The following ZSCAN12 variants were observed in gnomAD, a reference collection of about 807,000 sequenced individuals.
ZSCAN12 encodes the protein zinc finger and SCAN domain containing 12, also known as zinc finger and SCAN domain-containing protein 12.
A neutral mutation model predicts 23.4 loss-of-function variants in ZSCAN12; 18 were observed. That is an observed-to-expected ratio of 0.77 (90% CI 0.53 to 1.14). ZSCAN12 has a LOEUF of 1.14. Ranked by LOEUF, ZSCAN12 falls within the 50% of genes most tolerant of loss-of-function variation. The pLI is 0.00. For synonymous variants in ZSCAN12, 186 were observed against 253.4 expected, an observed-to-expected ratio of 0.73 and a Z score of 2.53; for missense variants, 650 against 735.0, an observed-to-expected ratio of 0.88 and a Z score of 1.34.
downstream of ZSCAN12, among the ~76,000 whole-genome samples, chr6:28,383,512 A>C (rs1760390565): frequency 6.6e-6 from 1 of 152,078 alleles, no homozygotes; most frequent in Non-Finnish European, 1.5e-5. Flanking sequence ...ACCCCGCCCC[A>C]GCTGAGCAGC....
chr6:28,382,434 G>C (rs896822967), downstream of ZSCAN12: 4 of 1,521,206 alleles, frequency 2.6e-6, no homozygotes, highest in African/African-American at 2.8e-5. Context: ...TGATTTCTTT[G>C]CCAGCCTGAT....
rs1197388087 is a variant in ZSCAN12 at position 28,391,610 on chromosome 6, C to T, written c.680G>A (p.Arg227His). Residue 227 changes from arginine (R) to histidine (H), a missense_variant, in exon 4 of 4, where the codon CGT becomes CAT. By Grantham distance (29) the Arg-to-His change is conservative. Coordinates refer to ENST00000684592, the MANE Select transcript of ZSCAN12 (RefSeq NM_001163391.2). The surrounding 1 kb of genome is among the most constrained non-coding windows in gnomAD (Gnocchi z 4.1). ...MSKSARCGET[R>H]EPEEITEEPS... is the part of the protein sequence containing the mutation. ...CTCTTCTGTTATTTCTTCAGGTTCACGAGTTTCTCCACACCTAGCAGACTT... is the reference window on the plus strand; with the variant it reads ...CTCTTCTGTTATTTCTTCAGGTTCATGAGTTTCTCCACACCTAGCAGACTT... The T allele has an allele frequency of 2.6e-6, 4 of 1,552,260 alleles. No homozygotes were observed. The highest frequency in any genetic ancestry group is 3.5e-6 in the Non-Finnish European group (4 of 1,147,128).
rs1278521369 is a variant in ZSCAN12, at chr6:28,398,453, A to C, written c.-48T>G. 1.3e-6 allele frequency: 2 copies of C among 1,486,134 alleles called. No individual in the cohort carries two copies. Among genetic ancestry groups the C allele is most frequent in the African/African-American group, 1.4e-5 (1 of 71,014 alleles). The allele number at this position is 1,486,134 out of a possible 1,614,324, so 92.1% of individuals were successfully genotyped here. A position where few individuals can be genotyped will look rare whatever the true frequency, so the allele number is the denominator to read the frequency against. Reference sequence around the variant, plus strand: ...GTGTTTCAAGTAAGATCTCACCTGGAAACTGTATTCCTGGACAGTCCTGAA... The same window carrying C: ...GTGTTTCAAGTAAGATCTCACCTGGCAACTGTATTCCTGGACAGTCCTGAA... On this transcript the variant is annotated 5_prime_UTR_variant, in exon 2 of 4. Transcript: ENST00000684592.
At position 28,398,230 on chromosome 6, in the gene ZSCAN12, C is replaced by G. The variant is rs1225454890; in HGVS notation, c.176G>C (p.Gly59Ala). ...GAGTCGGCTCAAAGCCTCACGGGGA[C>G]CAGATGTCTCCTGGTAGCAGAACTG... Reference protein sequence around the residue: ...FRQFCYQETSGPREALSRLRE... With the variant: ...FRQFCYQETSAPREALSRLRE... Residue 59 changes from glycine (G) to alanine (A), a missense_variant, in exon 2 of 4, where the codon GGT (glycine) becomes GCT (alanine). Gly to Ala is a moderately conservative substitution (Grantham distance 60). Coordinates refer to ENST00000684592, the MANE Select transcript of ZSCAN12 (RefSeq NM_001163391.2). 3.1e-6 allele frequency: 5 copies of G among 1,613,956 alleles called. No individual in the cohort carries two copies. Among genetic ancestry groups the G allele is most frequent in the Non-Finnish European group, 4.2e-6 (5 of 1,180,016 alleles).
Position 28,391,677 on chromosome 6 carries a change from G to T in ZSCAN12, c.613C>A (p.Pro205Thr), listed in dbSNP as rs551791387. The T allele has an allele frequency of 9.7e-6, 15 of 1,549,040 alleles. No individual in the cohort carries two copies. The African/African-American group carries it at 1.9e-4, about 20-fold the overall frequency. ...LKQEVSEEMEPHGKTSSKFEN... is the reference protein window; with the variant it reads ...LKQEVSEEMETHGKTSSKFEN... ...AATTTACTGGATGTCTTCCCATGTGGTTCCATTTCTTCAGAAACTTCTTGC... is the reference window on the plus strand; with the variant it reads ...AATTTACTGGATGTCTTCCCATGTGTTTCCATTTCTTCAGAAACTTCTTGC... The change falls in exon 4 of 4, where the codon CCA becomes ACA. Residue 205 changes from proline (P) to threonine (T), a missense_variant. Physicochemically the swap from Pro to Thr is conservative, Grantham distance 38 (BLOSUM62 -1). Coordinates refer to ENST00000684592, the MANE Select transcript of ZSCAN12 (RefSeq NM_001163391.2). The surrounding 1 kb of genome is among the most constrained non-coding windows in gnomAD (Gnocchi z 4.1).
At chr6:28,397,262 A>G (rs1280559959) in intron 2 of ZSCAN12, among the ~76,000 whole-genome samples, 4 of 152,230 alleles carry the variant, frequency 2.6e-5, no homozygotes, top group African/African-American at 4.8e-5. Context: ...GGTGCACAAA[A>G]TTGGCACTGG....
chr6:28,379,187 T>C (rs1354705888), exon 5 of ZSCAN12: 1 of 152,242 alleles, frequency 6.6e-6, no homozygotes, highest in Non-Finnish European at 1.5e-5. Flanking sequence ...CTACAGGTTT[T>C]AGAACTGAAA....
At chr6:28,396,915 T>C (rs1468758933) in intron 2 of ZSCAN12, among the ~76,000 whole-genome samples, 1 of 152,158 alleles carries the variant, frequency 6.6e-6, no homozygotes, top group Admixed American at 6.5e-5. Context: ...CATGATCCTA[T>C]TTCAAACTTA....
At position 28,388,633 on chromosome 6, in the gene ZSCAN12, G is replaced by C. The variant is rs1419649790; in HGVS notation, c.*1821C>G. Reference sequence around the variant, plus strand: ...CAGGGCTGTGTAGAAAGGTAATTAGGAGTGGGACTTACTAAGGAAGAATGC... The same window carrying C: ...CAGGGCTGTGTAGAAAGGTAATTAGCAGTGGGACTTACTAAGGAAGAATGC... On this transcript the variant is annotated 3_prime_UTR_variant, in exon 4 of 4. Transcript: ENST00000684592. 6.6e-6 allele frequency among the ~76,000 whole-genome samples: 1 copy of C among 152,140 alleles called. No homozygotes were observed. The highest frequency in any genetic ancestry group is 2.4e-5 in the African/African-American group (1 of 41,436).
intron 3 of ZSCAN12, among the ~76,000 whole-genome samples, chr6:28,392,445 G>C (rs1179208966): frequency 6.6e-6 from 1 of 152,062 alleles, no homozygotes; most frequent in Admixed American, 6.5e-5. Flanking sequence ...CAAAGTGTTG[G>C]GATTATAGGC....
chr6:28,380,790 C>T (rs1379922805), downstream of ZSCAN12: 1 of 153,712 alleles, frequency 6.5e-6, no homozygotes, highest in Non-Finnish European at 1.5e-5. Context: ...CAGACATTCC[C>T]CCCAACAAAA....
chr6:28,381,612 T>C (rs1351259476), downstream of ZSCAN12: 1 of 152,124 alleles, frequency 6.6e-6, no homozygotes, highest in Admixed American at 6.6e-5. Context: ...ACAAGTTTTC[T>C]GGGGAGAGGA....
Position 28,389,980 on chromosome 6 carries a change from G to A in ZSCAN12, c.*474C>T, listed in dbSNP as rs1760733633. ...CTTCAGGTTGGCTAGTCTTTTCCCT[G>A]ATGCTTCCAAACCACATGCACTCTT... is the stretch of plus-strand genomic sequence containing the variant. On this transcript the variant is annotated 3_prime_UTR_variant, in exon 4 of 4. Coordinates refer to ENST00000684592, the MANE Select transcript of ZSCAN12 (RefSeq NM_001163391.2). 6.6e-6 allele frequency among the ~76,000 whole-genome samples: 1 copy of A among 152,116 alleles called. No individual in the cohort carries two copies.
intron 2 of ZSCAN12, among the ~76,000 whole-genome samples, chr6:28,393,454 A>G: frequency 6.7e-6 from 1 of 149,590 alleles, no homozygotes; most frequent in Non-Finnish European, 1.5e-5. Context: ...TGTAAAGGTA[A>G]ATAATGTAGA....
Position 28,388,693 on chromosome 6 carries a change from T to C in ZSCAN12, c.*1761A>G, listed in dbSNP as rs576271812. ...TTCTTTTATTTTTCCCCTTCCCCTT[T>C]TGTCACTGTCTCACCACTTCAAACC... On this transcript the variant is annotated 3_prime_UTR_variant, in exon 4 of 4. Coordinates refer to ENST00000684592, the MANE Select transcript of ZSCAN12 (RefSeq NM_001163391.2). 3.9e-5 allele frequency among the ~76,000 whole-genome samples: 6 copies of C among 152,292 alleles called. No individual in the cohort carries two copies. The South Asian group carries it at 1.0e-3, about 26-fold the overall frequency.
rs748113666 is a variant in ZSCAN12 at position 28,398,166 on chromosome 6, G to A, written c.240C>T (p.His80=). The A allele has an allele frequency of 4.3e-6, 7 of 1,613,930 alleles. No individual in the cohort carries two copies. In the Admixed American group the frequency reaches 1.0e-4, roughly 23 times the overall value. ...GCAGCTCCAGAATCTGTTCTTTGGT[G>A]TGGGTCTCTGGCCTCAGCCACTGAT... ...LCHQWLRPET[H]TKEQILELLV... Residue 80 remains histidine (H), a synonymous_variant, in exon 2 of 4, where the codon CAC becomes CAT. Transcript: ENST00000684592.
In ZSCAN12 at chr6:28,386,007, C is replaced by A. The variant is rs1180452033; in HGVS notation, c.*4447G>T. Among the ~76,000 whole-genome samples the A allele has an allele frequency of 6.6e-6, 1 of 152,174 alleles. No individual in the cohort carries two copies. Among genetic ancestry groups the A allele is most frequent in the Non-Finnish European group, 1.5e-5 (1 of 68,044 alleles). ...CTTTCCTCATTAGCTTCATCTCGTACCTCAAACTCTGGCAACCTCTTAATA... is the reference window on the plus strand; with the variant it reads ...CTTTCCTCATTAGCTTCATCTCGTAACTCAAACTCTGGCAACCTCTTAATA... On this transcript the variant is annotated 3_prime_UTR_variant, in exon 4 of 4. Transcript: ENST00000684592.
chr6:28,398,232 A>G lies in ZSCAN12; in HGVS notation c.174T>C (p.Ser58=). 1 of 1,614,130 alleles carries G rather than the reference A, an allele frequency of 6.2e-7. No homozygotes were observed. Among genetic ancestry groups the G allele is most frequent in the Non-Finnish European group, 8.5e-7 (1 of 1,180,022 alleles). The part of the protein sequence containing the change: ...YFRQFCYQET[S]GPREALSRLR... ...GTCGGCTCAAAGCCTCACGGGGACC[A>G]GATGTCTCCTGGTAGCAGAACTGTC... The change falls in exon 2 of 4, where the codon TCT becomes TCC. Residue 58 remains serine, a synonymous_variant. Transcript: ENST00000684592.
chr6:28,382,479 T>A (rs1238605856), downstream of ZSCAN12: 1 of 1,549,478 alleles, frequency 6.5e-7, no homozygotes, highest in East Asian at 2.4e-5. Flanking sequence ...TCCTTTACCA[T>A]CAGTCACTAT....
Sources: allele counts gnomAD v4.1 joint callset (sites outside exome capture counted in the v4.1 genomes callset), GRCh38; gene constraint gnomAD v4.1.1; non-coding constraint Gnocchi (gnomAD v3.1); transcripts MANE v1.5; gene names NCBI Gene and HGNC (gene_info 2026-07-23, HGNC 2026-07-21).